Variants in CREB5 observed in about 807,000 individuals in gnomAD.
CREB5 encodes cyclic AMP-responsive element-binding protein 5.
Under a neutral mutation model 57.1 loss-of-function variants are expected in CREB5, and 19 were observed. The observed-to-expected ratio is 0.33, with a 90% CI of 0.23 to 0.49. The LOEUF is 0.49. Among genes scored for constraint, CREB5 ranks in the 20% least tolerant of loss-of-function variants. CREB5 has a pLI of 0.99. For missense variants in CREB5, 579 were observed against 671.6 expected (o/e 0.86, Z 1.52); for synonymous variants, 238 against 238.3 (o/e 1.00, Z 0.01).
chr7:28,396,567 A>G (rs1357315207), intron 1 of CREB5, among the ~76,000 whole-genome samples: 2 of 152,176 alleles, frequency 1.3e-5, no homozygotes, highest in East Asian at 3.8e-4. Flanking sequence ...GTAACATATT[A>G]TTTGTATAGT....
At chr7:28,540,700 C>G (rs1794169503) in intron 4 of CREB5, among the ~76,000 whole-genome samples, 1 of 152,090 alleles carries the variant, frequency 6.6e-6, no homozygotes, top group African/African-American at 2.4e-5. Context: ...CCTCCCTGGT[C>G]TTAGATAGCT....
chr7:28,385,708 A>G (rs1787077244), intron 1 of CREB5, among the ~76,000 whole-genome samples: 1 of 152,098 alleles, frequency 6.6e-6, no homozygotes, highest in African/African-American at 2.4e-5. Context: ...TGAGAATGAA[A>G]AAAGAGGTAA....
intron 1 of CREB5, among the ~76,000 whole-genome samples, chr7:28,374,809 G>A (rs1786788972): frequency 6.6e-6 from 1 of 152,146 alleles, no homozygotes; most frequent in Admixed American, 6.5e-5. Flanking sequence ...ATCCCTTTGG[G>A]AATATCCATC....
chr7:28,345,399 A>G (rs531060870), intron 1 of CREB5, among the ~76,000 whole-genome samples: 3 of 152,188 alleles, frequency 2.0e-5, no homozygotes, highest in Non-Finnish European at 2.9e-5. Flanking sequence ...TGAAACTAGA[A>G]ATCAATATCA....
At chr7:28,447,844 A>G (rs927434877) in intron 1 of CREB5, among the ~76,000 whole-genome samples, 3 of 152,086 alleles carry the variant, frequency 2.0e-5, no homozygotes, top group African/African-American at 7.2e-5. Context: ...TTTTACTTAG[A>G]GAGATATTTA....
At chr7:28,492,607 G>C (rs1206317500) in intron 2 of CREB5, among the ~76,000 whole-genome samples, 1 of 152,000 alleles carries the variant, frequency 6.6e-6, no homozygotes, top group African/African-American at 2.4e-5. Flanking sequence ...TGTTATTTAA[G>C]AAGTATTCTG....
intron 1 of CREB5, among the ~76,000 whole-genome samples, chr7:28,400,969 T>C (rs907508763): frequency 6.6e-6 from 1 of 152,226 alleles, no homozygotes; most frequent in Non-Finnish European, 1.5e-5. Flanking sequence ...TTCCTAATTA[T>C]TGTTAAACCA....
intron 10 of CREB5, 38 bp from the exon 11 acceptor site, chr7:28,819,078 T>A: frequency 6.3e-7 from 1 of 1,595,366 alleles, no homozygotes; most frequent in African/African-American, 1.3e-5. Flanking sequence ...TATTGGTGTG[T>A]GTGTATGTGT....
At chr7:28,560,861 T>TGCGCGTGCGCGCGCGC (rs1358670336) in intron 4 of CREB5, among the ~76,000 whole-genome samples, 1 of 45,864 alleles carries the variant, frequency 2.2e-5, no homozygotes, top group Non-Finnish European at 4.6e-5. Context: ...TGTGTGTGCG[T>TGCGCGTGCGCGCGCGC]GTGCCTGCGT....
intron 4 of CREB5, among the ~76,000 whole-genome samples, chr7:28,526,615 C>A (rs905814619): frequency 3.9e-5 from 6 of 152,190 alleles, no homozygotes; most frequent in Non-Finnish European, 8.8e-5. Flanking sequence ...AAAATAAATC[C>A]TTGCTTTGGG....
At position 28,658,953 on chromosome 7, in the gene CREB5, G is replaced by GTGTGTATATATATATA. The variant is rs1400561698; in HGVS notation, c.465-59799_465-59798insGTGTATATATATATAT. 6.4e-4 allele frequency among the ~76,000 whole-genome samples: 64 copies of GTGTGTATATATATATA among 99,596 alleles called. 1 individual carries two copies. Among genetic ancestry groups the GTGTGTATATATATATA allele is most frequent in the African/African-American group, 1.9e-3 (59 of 30,478 alleles). The allele number at this position is 99,596 out of a possible 152,430, so 65.3% of individuals were successfully genotyped here. A position where few individuals can be genotyped will look rare whatever the true frequency, so the allele number is the denominator to read the frequency against. On this transcript the variant is annotated intron_variant, in intron 5 of 10. Coordinates refer to ENST00000357727, the MANE Select transcript of CREB5 (RefSeq NM_182898.4). ...CACTAAATATTATATGTGTGTGTGT[G>GTGTGTATATATATATA]TATATATATATATATATATATATAT...
intron 5 of CREB5, among the ~76,000 whole-genome samples, chr7:28,585,602 T>C (rs1796276855): frequency 6.6e-6 from 1 of 152,182 alleles, no homozygotes; most frequent in Non-Finnish European, 1.5e-5. Context: ...CTAATTCTTT[T>C]TGAAGCGTCC....
intron 1 of CREB5, among the ~76,000 whole-genome samples, chr7:28,353,652 G>A (rs186124222): frequency 1.5e-4 from 23 of 152,048 alleles, no homozygotes; most frequent in Admixed American, 1.5e-3. Flanking sequence ...GACCATCCTG[G>A]CTAACATGGT....
chr7:28,404,881 C>T (rs958140801), intron 1 of CREB5, among the ~76,000 whole-genome samples: 1 of 152,184 alleles, frequency 6.6e-6, no homozygotes, highest in Non-Finnish European at 1.5e-5. Context: ...TTCAGGCAGG[C>T]ACTGGGACAG....
intron 7 of CREB5, 146 bp from the exon 8 acceptor site, chr7:28,804,047 TGTACTG>T: frequency 1.4e-6 from 1 of 716,758 alleles, no homozygotes; most frequent in South Asian, 1.9e-5. Flanking sequence ...AAAGCTATCT[TGTACTG>T]GTAGCAAGAT....
At chr7:28,362,763 T>C (rs2127992411) in intron 1 of CREB5, among the ~76,000 whole-genome samples, 1 of 152,272 alleles carries the variant, frequency 6.6e-6, no homozygotes, top group South Asian at 2.1e-4. Context: ...TACACACACA[T>C]GAAAATCGGA....
intron 5 of CREB5, among the ~76,000 whole-genome samples, chr7:28,684,321 C>T (rs73304954): frequency 0.014 from 2,205 of 152,292 alleles, 66 homozygotes; most frequent in African/African-American, 0.05. Flanking sequence ...GGCTGATCAC[C>T]TCTAATTCAG....
At chr7:28,306,170 G>C (rs983716381) in intron 1 of CREB5, among the ~76,000 whole-genome samples, 6 of 152,180 alleles carry the variant, frequency 3.9e-5, no homozygotes, top group African/African-American at 1.4e-4. Flanking sequence ...AACACTTGCT[G>C]TTCATGCCTA....
chr7:28,623,046 C>A (rs62443822), intron 5 of CREB5, among the ~76,000 whole-genome samples: 22,095 of 152,016 alleles, frequency 0.15, 1,825 homozygotes, highest in Admixed American at 0.21. Flanking sequence ...CCATGCCCGG[C>A]TAATTTTTGT....
Sources: gnomAD v4.1 joint callset for allele counts (sites outside exome capture counted in the v4.1 genomes callset) on GRCh38, gnomAD v4.1.1 for gene constraint, MANE v1.5 for transcripts, NCBI Gene and HGNC (gene_info 2026-07-23, HGNC 2026-07-21) for gene names.